The following MCF2L2 variants were observed in gnomAD, a reference collection of about 807,000 sequenced individuals.
MCF2L2 encodes probable guanine nucleotide exchange factor MCF2L2.
MCF2L2 carries 102 observed loss-of-function variants against 150.2 expected under a neutral mutation model. The ratio of observed to expected loss-of-function variants is 0.68; its 90% CI spans 0.58 to 0.80. The LOEUF is 0.80. Ranked by LOEUF, MCF2L2 falls within the 30% of genes least tolerant of loss-of-function variation. MCF2L2 has a pLI of 0.00. For missense variants in MCF2L2, 1,256 were observed against 1,372.8 expected (o/e 0.91, Z 1.34); for synonymous variants, 465 against 491.3 (o/e 0.95, Z 0.71).
Position 183,229,741 on chromosome 3 carries a change from A to G in MCF2L2, c.1970T>C (p.Leu657Pro). The part of the protein sequence containing the change: ...TPMDFIWLKH[L>P]IPDVLQNNKD... Reference sequence around the variant, plus strand: ...GTTATTCTGAAGAACATCTGGAATTAGATGCTTTAGCCAAATAAAATCCAT... The same window carrying G: ...GTTATTCTGAAGAACATCTGGAATTGGATGCTTTAGCCAAATAAAATCCAT... Residue 657 changes from leucine to proline, a missense_variant, in exon 17 of 30, where the codon CTA (leucine) becomes CCA (proline). Physicochemically the swap from Leu to Pro is moderately conservative, Grantham distance 98 (BLOSUM62 -3). Transcript: ENST00000328913. 2 of 1,603,716 alleles carry G rather than the reference A, an allele frequency of 1.2e-6. No individual in the cohort carries two copies. The highest frequency in any genetic ancestry group is 1.7e-6 in the Non-Finnish European group (2 of 1,172,064).
chr3:183,426,779 T>C (rs568526006), intron 1 of MCF2L2, among the ~76,000 whole-genome samples: 3 of 152,376 alleles, frequency 2.0e-5, no homozygotes, highest in African/African-American at 7.2e-5. Flanking sequence ...TACTGATCTT[T>C]TGTCGTAAAA....
At chr3:183,393,104 C>G (rs1714251713) in intron 1 of MCF2L2, among the ~76,000 whole-genome samples, 1 of 152,136 alleles carries the variant, frequency 6.6e-6, no homozygotes, top group South Asian at 2.1e-4. Context: ...GTGCCTGTTA[C>G]ACACCTGCCC....
chr3:183,249,758 G>A (rs1030589639), intron 15 of MCF2L2, among the ~76,000 whole-genome samples: 1 of 152,214 alleles, frequency 6.6e-6, no homozygotes, highest in Admixed American at 6.5e-5. Flanking sequence ...GGGCCTTGGT[G>A]GCATCAAAGG....
At chr3:183,293,199 G>A (rs529255555) in intron 13 of MCF2L2, among the ~76,000 whole-genome samples, 1 of 152,328 alleles carries the variant, frequency 6.6e-6, no homozygotes, top group South Asian at 2.1e-4. Context: ...AAACTGGAAT[G>A]GCTGTGACAA....
intron 16 of MCF2L2, among the ~76,000 whole-genome samples, chr3:183,230,705 T>C (rs1723518822): frequency 6.6e-6 from 1 of 152,226 alleles, no homozygotes; most frequent in South Asian, 2.1e-4. Flanking sequence ...AAGAAGATGG[T>C]AAACCTATTT....
intron 20 of MCF2L2, among the ~76,000 whole-genome samples, chr3:183,223,010 A>G (rs1368722131): frequency 6.6e-6 from 1 of 152,168 alleles, no homozygotes; most frequent in Non-Finnish European, 1.5e-5. Context: ...TCCCTTCCAC[A>G]AGTTAAAATG....
chr3:183,205,606 A>G (rs1034713002), intron 25 of MCF2L2, among the ~76,000 whole-genome samples: 3 of 152,170 alleles, frequency 2.0e-5, no homozygotes, highest in Admixed American at 2.0e-4. Context: ...GGTGGCCATC[A>G]GATTTTTGAT....
At chr3:183,229,390 G>T (rs966918981) in intron 17 of MCF2L2, among the ~76,000 whole-genome samples, 6 of 152,154 alleles carry the variant, frequency 3.9e-5, no homozygotes, top group African/African-American at 1.2e-4. Flanking sequence ...AAATGCTGAT[G>T]CATGAATAAA....
intron 1 of MCF2L2, among the ~76,000 whole-genome samples, chr3:183,426,825 C>G (rs1716188069): frequency 1.3e-5 from 2 of 152,178 alleles, no homozygotes; most frequent in South Asian, 4.1e-4. Context: ...AAACTTTTTT[C>G]TAAACTTGAA....
rs116185477 is a variant in MCF2L2 at position 183,182,282 on chromosome 3, G to A, written c.3017-2123C>T. On this transcript the variant is annotated intron_variant, in intron 27 of 29. Transcript: ENST00000328913. ...CCCTGACAACGCAGAGAAAGACACA[G>A]GACCCACCTGGGCCAGTGACAGCAG... Among the ~76,000 whole-genome samples, 621 of 152,246 alleles carry A rather than the reference G, an allele frequency of 4.1e-3. 1 individual carries two copies. Among genetic ancestry groups the A allele is most frequent in the African/African-American group, 0.014 (595 of 41,548 alleles).
chr3:183,374,668 C>CA lies in MCF2L2; in HGVS notation c.275+4628dup, dbSNP rs548939288. On this transcript the variant is annotated intron_variant, in intron 3 of 29. Coordinates refer to ENST00000328913, the MANE Select transcript of MCF2L2 (RefSeq NM_015078.4). ...GGGCGACAAGCACGAAACTCCGTCT[C>CA]AAAAAAAAAAAAAAAGAAAGAAAGA... 226 of 79,676 alleles carry CA rather than the reference C, an allele frequency of 2.8e-3. 2 individuals carry two copies. The highest frequency in any genetic ancestry group is 0.025 in the Middle Eastern group (3 of 122). 4.9% of individuals were successfully genotyped at this position (79,676 alleles called of 1,614,324 possible).
chr3:183,413,612 G>A (rs1053817899), intron 1 of MCF2L2, among the ~76,000 whole-genome samples: 1 of 152,172 alleles, frequency 6.6e-6, no homozygotes, highest in Non-Finnish European at 1.5e-5. Context: ...CGGTCAAGAC[G>A]CCTGCACCCC....
chr3:183,402,451 CAAAAA>C lies in MCF2L2; in HGVS notation c.77-12677_77-12673del, dbSNP rs779201489. On this transcript the variant is annotated intron_variant, in intron 1 of 29. Transcript: ENST00000328913. ...CCTGGGCTACAGAGCGAGACTCCATCAAAAAAAAAAAAAAAAAAAAAAGAATATAA... is the reference window on the plus strand; with the variant it reads ...CCTGGGCTACAGAGCGAGACTCCATCAAAAAAAAAAAAAAAAAGAATATAA... Among the ~76,000 whole-genome samples, 12 of 54,762 alleles carry C rather than the reference CAAAAA, an allele frequency of 2.2e-4. 1 individual carries two copies. The highest frequency in any genetic ancestry group is 9.0e-4 in the South Asian group (1 of 1,108). 35.9% of individuals were successfully genotyped at this position (54,762 alleles called of 152,430 possible).
At chr3:183,331,019 G>T (rs575877108) in intron 5 of MCF2L2, among the ~76,000 whole-genome samples, 29 of 152,150 alleles carry the variant, frequency 1.9e-4, no homozygotes, top group African/African-American at 7.0e-4. Context: ...ACAGGGAAGG[G>T]GTTAGCTGGG....
chr3:183,401,488 C>A (rs1323212653), intron 1 of MCF2L2, among the ~76,000 whole-genome samples: 1 of 152,146 alleles, frequency 6.6e-6, no homozygotes, highest in Middle Eastern at 3.4e-3. Flanking sequence ...AAATATGAAA[C>A]TATACATTTC....
chr3:183,239,576 AC>A (rs143520154), intron 15 of MCF2L2, among the ~76,000 whole-genome samples: 3 of 109,196 alleles, frequency 2.7e-5, no homozygotes, highest in African/African-American at 6.9e-5. Context: ...TGCCCCTGTC[AC>A]CCCCCCTTCC....
rs544060812 is a variant in MCF2L2, at chr3:183,270,440, T to C, written c.1862+6432A>G. ...ACCTTCAAAGTTTAGAACAAATTGG[T>C]GTTCAAGACTTTTGGATTGGTCGTG... On this transcript the variant is annotated intron_variant, in intron 15 of 29. Coordinates refer to ENST00000328913, the MANE Select transcript of MCF2L2 (RefSeq NM_015078.4). This position sits in a 1 kb window ranked among gnomAD's most constrained non-coding sequence, Gnocchi z 4.5. 4 of 1,614,184 alleles carry C rather than the reference T, an allele frequency of 2.5e-6. No homozygotes were observed. The highest frequency in any genetic ancestry group is 2.7e-5 in the African/African-American group (2 of 75,034).
chr3:183,263,231 A>G (rs1036974838), intron 15 of MCF2L2, among the ~76,000 whole-genome samples: 3 of 152,138 alleles, frequency 2.0e-5, no homozygotes, highest in African/African-American at 7.2e-5. Context: ...TACACACCAT[A>G]AGGTGTCCTT....
intron 1 of MCF2L2, among the ~76,000 whole-genome samples, chr3:183,407,173 T>C (rs988425203): frequency 6.6e-6 from 1 of 152,224 alleles, no homozygotes; most frequent in African/African-American, 2.4e-5. Context: ...TGGCCATATT[T>C]GTATGATACT....
Sources: gnomAD v4.1 joint callset for allele counts (sites outside exome capture counted in the v4.1 genomes callset) on GRCh38, gnomAD v4.1.1 for gene constraint, Gnocchi (gnomAD v3.1) non-coding constraint, MANE v1.5 for transcripts, NCBI Gene and HGNC (gene_info 2026-07-23, HGNC 2026-07-21) for gene names.